Variants in PPM1H observed in about 807,000 individuals in gnomAD.
PPM1H encodes the protein protein phosphatase, Mg2+/Mn2+ dependent 1H.
PPM1H carries 27 observed loss-of-function variants against 54.9 expected under a neutral mutation model. The observed-to-expected ratio is 0.49, with a 90% CI of 0.36 to 0.68. PPM1H has a LOEUF of 0.68. PPM1H is among the 30% of genes least tolerant of loss of function. The pLI is 0.00. For synonymous variants in PPM1H, 305 were observed against 270.8 expected (o/e 1.13, Z -1.24); for missense variants, 596 against 667.8 (o/e 0.89, Z 1.19).
At position 62,644,469 on chromosome 12, in the gene PPM1H, T is replaced by C. The variant is rs1054758354; in HGVS notation, c.*4020A>G. On this transcript the variant is annotated 3_prime_UTR_variant, in exon 10 of 10. Transcript: ENST00000228705. ...ACAGCACATTTACAGCCTTATTTGG[T>C]CACTGTCTACCTGGTTGCTACATGA... 3 of 152,240 alleles carry C rather than the reference T, an allele frequency of 2.0e-5. No homozygotes were observed. Among genetic ancestry groups the C allele is most frequent in the Non-Finnish European group, 4.4e-5 (3 of 68,052 alleles). The allele number at this position is 152,240 out of a possible 1,614,324, so 9.4% of individuals were successfully genotyped here. A position where few individuals can be genotyped will look rare whatever the true frequency, so the allele number is the denominator to read the frequency against.
At position 62,830,401 on chromosome 12, in the gene PPM1H, A is replaced by G. The variant is rs191980215; in HGVS notation, c.411+1713T>C. 1.2e-3 allele frequency among the ~76,000 whole-genome samples: 176 copies of G among 151,676 alleles called. 1 individual carries two copies. The highest frequency in any genetic ancestry group is 2.7e-3 in the African/African-American group (113 of 41,392). ...CTCCTGAGTAGCTGGGACTACAGGC[A>G]CCCGCCACCATGCCCGGCTAATTTT... On this transcript the variant is annotated intron_variant, in intron 2 of 9. Transcript: ENST00000228705.
chr12:62,755,869 T>C (rs1422265872), intron 4 of PPM1H: 1 of 787,448 alleles, frequency 1.3e-6, no homozygotes, highest in Non-Finnish European at 2.3e-6. Flanking sequence ...CTGGTGCTGC[T>C]AAGGTTGTGG....
At chr12:62,656,160 T>C (rs1440150234) in intron 9 of PPM1H, among the ~76,000 whole-genome samples, 1 of 152,230 alleles carries the variant, frequency 6.6e-6, no homozygotes, top group African/African-American at 2.4e-5. Context: ...CCTTAGTTCT[T>C]TTCCTTCCTA....
chr12:62,699,863 C>T (rs1325554827), intron 6 of PPM1H, among the ~76,000 whole-genome samples: 1 of 152,190 alleles, frequency 6.6e-6, no homozygotes, highest in Admixed American at 6.5e-5. Context: ...CCAACAAGAA[C>T]AGATTACTAA....
At chr12:62,893,780 C>T (rs1315366727) in intron 1 of PPM1H, among the ~76,000 whole-genome samples, 1 of 152,134 alleles carries the variant, frequency 6.6e-6, no homozygotes, top group East Asian at 1.9e-4. Flanking sequence ...AACCACCACA[C>T]CCCGCGTTCA....
chr12:62,731,217 G>A (rs2076319013), intron 5 of PPM1H, among the ~76,000 whole-genome samples: 1 of 152,172 alleles, frequency 6.6e-6, no homozygotes, highest in African/African-American at 2.4e-5. Context: ...AACCTCATAT[G>A]CCATTTTATG....
intron 1 of PPM1H, among the ~76,000 whole-genome samples, chr12:62,860,523 A>G (rs1280191540): frequency 3.9e-5 from 6 of 152,246 alleles, no homozygotes; most frequent in Admixed American, 3.9e-4. Context: ...TGGGAAAAGC[A>G]GAAGTCAGAC....
chr12:62,751,215 C>T (rs1211332376), intron 4 of PPM1H, among the ~76,000 whole-genome samples: 2 of 152,198 alleles, frequency 1.3e-5, no homozygotes, highest in Non-Finnish European at 2.9e-5. Flanking sequence ...TTCACTAATA[C>T]CCTGCATTGG....
At chr12:62,918,845 A>G (rs1264319794) in intron 1 of PPM1H, among the ~76,000 whole-genome samples, 1 of 152,278 alleles carries the variant, frequency 6.6e-6, no homozygotes, top group Non-Finnish European at 1.5e-5. Context: ...ATGTAGAATT[A>G]TCGCAGTTGG....
At chr12:62,890,647 T>A (rs1870751522) in intron 1 of PPM1H, among the ~76,000 whole-genome samples, 1 of 152,010 alleles carries the variant, frequency 6.6e-6, no homozygotes, top group Admixed American at 6.6e-5. Flanking sequence ...TTGAAATCTT[T>A]CAATAAGTGA....
intron 6 of PPM1H, among the ~76,000 whole-genome samples, chr12:62,712,583 G>A (rs891726825): frequency 6.6e-5 from 10 of 152,206 alleles, no homozygotes; most frequent in African/African-American, 1.9e-4. Flanking sequence ...GTAAATTTCC[G>A]AAGATTGGGT....
chr12:62,878,456 G>T (rs758103676), intron 1 of PPM1H, among the ~76,000 whole-genome samples: 2 of 151,622 alleles, frequency 1.3e-5, no homozygotes, highest in Non-Finnish European at 2.9e-5. Context: ...ACTATTTTTT[G>T]CTAATTTTAG....
At chr12:62,670,638 C>T (rs543012801) in intron 8 of PPM1H, among the ~76,000 whole-genome samples, 4 of 152,104 alleles carry the variant, frequency 2.6e-5, no homozygotes, top group Non-Finnish European at 5.9e-5. Context: ...TACATACACA[C>T]GTTATAAAAT....
intron 8 of PPM1H, among the ~76,000 whole-genome samples, chr12:62,684,546 A>G (rs1565755984): frequency 6.6e-6 from 1 of 152,156 alleles, no homozygotes; most frequent in African/African-American, 2.4e-5. Context: ...AGCCACAATG[A>G]TGAATGGGAA....
chr12:62,745,611 A>T (rs1302777649), intron 4 of PPM1H, among the ~76,000 whole-genome samples: 1 of 152,230 alleles, frequency 6.6e-6, no homozygotes, highest in Non-Finnish European at 1.5e-5. Flanking sequence ...TTTGGAGCTC[A>T]GTCACAGCAG....
intron 1 of PPM1H, among the ~76,000 whole-genome samples, chr12:62,931,023 C>T (rs1872116096): frequency 2.0e-5 from 3 of 152,142 alleles, no homozygotes; most frequent in Admixed American, 1.3e-4. Context: ...GGATTGCTTA[C>T]GGCTAATTCT....
intron 9 of PPM1H, among the ~76,000 whole-genome samples, chr12:62,655,006 G>T (rs1309078144): frequency 1.3e-5 from 2 of 152,174 alleles, no homozygotes; most frequent in Non-Finnish European, 2.9e-5. Flanking sequence ...CAAGAGCAGT[G>T]TGCGTGGACA....
intron 4 of PPM1H, among the ~76,000 whole-genome samples, chr12:62,786,706 A>T (rs998246760): frequency 6.6e-6 from 1 of 152,012 alleles, no homozygotes; most frequent in Non-Finnish European, 1.5e-5. Context: ...GACCCATCTG[A>T]GTTGGAGTCT....
chr12:62,831,703 GTGTA>G lies in PPM1H; in HGVS notation c.411+407_411+410del, dbSNP rs199885542. Among the ~76,000 whole-genome samples the G allele has an allele frequency of 8.8e-3, 1,080 of 122,046 alleles. 20 individuals carry two copies. Among genetic ancestry groups the G allele is most frequent in the African/African-American group, 0.032 (992 of 31,032 alleles). 80.1% of individuals were successfully genotyped at this position (122,046 alleles called of 152,430 possible). A position where few individuals can be genotyped will look rare whatever the true frequency, so the allele number is the denominator to read the frequency against. On this transcript the variant is annotated intron_variant, in intron 2 of 9. Coordinates refer to ENST00000228705, the MANE Select transcript of PPM1H (RefSeq NM_020700.2). ...CCTTTGAAACCGTCAAACATTGTGT[GTGTA>G]TGTGTGTGTGTGTGTGTGTGTGAGT...
Sources: allele counts gnomAD v4.1 joint callset (sites outside exome capture counted in the v4.1 genomes callset), GRCh38; gene constraint gnomAD v4.1.1; transcripts MANE v1.5; gene names NCBI Gene and HGNC (gene_info 2026-07-23, HGNC 2026-07-21).